The following ERC1 variants were observed in gnomAD, a reference collection of about 807,000 sequenced individuals.
ERC1 encodes the protein RAB6 interacting protein 2.
A neutral mutation model predicts 132.0 loss-of-function variants in ERC1; 56 were observed. The observed-to-expected ratio is 0.42, with a 90% CI of 0.34 to 0.53. The LOEUF (loss-of-function observed/expected upper bound fraction) is 0.53. ERC1 is among the 20% of genes least tolerant of loss of function. The pLI is 0.03. For synonymous variants in ERC1, 478 were observed against 476.1 expected (o/e 1.00, Z -0.05); for missense variants, 1,202 against 1,349.9 (o/e 0.89, Z 1.72).
chr12:1,137,964 TAA>T (rs1949431505), intron 7 of ERC1, among the ~76,000 whole-genome samples: 2 of 132,668 alleles, frequency 1.5e-5, no homozygotes, highest in African/African-American at 5.8e-5. Flanking sequence ...AAATTAGATA[TAA>T]TATTATCATA....
At chr12:1,441,012 T>C (rs2093135930) in intron 17 of ERC1, among the ~76,000 whole-genome samples, 1 of 152,094 alleles carries the variant, frequency 6.6e-6, no homozygotes, top group South Asian at 2.1e-4. Context: ...GCCATCATGT[T>C]TATTTAATCA....
intron 2 of ERC1, among the ~76,000 whole-genome samples, chr12:1,036,627 C>T (rs1015711642): frequency 8.5e-5 from 13 of 152,154 alleles, no homozygotes; most frequent in Admixed American, 1.3e-4. Context: ...CTGTCAACCT[C>T]GGCCTCCCAA....
chr12:1,055,123 G>A (rs1250232483), intron 2 of ERC1, among the ~76,000 whole-genome samples: 1 of 152,086 alleles, frequency 6.6e-6, no homozygotes, highest in Non-Finnish European at 1.5e-5. Flanking sequence ...TCATGTAAGA[G>A]AGATGTTTAA....
chr12:1,321,894 C>T (rs920210612), intron 15 of ERC1, among the ~76,000 whole-genome samples: 5 of 152,044 alleles, frequency 3.3e-5, no homozygotes, highest in Non-Finnish European at 5.9e-5. Context: ...TAAGAACAAA[C>T]GGGGATCAAT....
In ERC1 at chr12:1,139,391, A is replaced by G. The variant is rs563173699; in HGVS notation, c.1570-2229A>G. 1.2e-4 allele frequency among the ~76,000 whole-genome samples: 19 copies of G among 152,334 alleles called. 1 individual carries two copies. In the South Asian group the frequency reaches 3.9e-3, roughly 32 times the overall value. ...TTTTATTTAATAATGGCCCCAAAGC[A>G]TAAGAGTAATGATGCTGGCATATTG... On this transcript the variant is annotated intron_variant, in intron 7 of 18. Transcript: ENST00000360905.
At chr12:1,313,439 G>C (rs115187971) in intron 15 of ERC1, among the ~76,000 whole-genome samples, 9 of 152,036 alleles carry the variant, frequency 5.9e-5, no homozygotes. Flanking sequence ...ATATTAAACA[G>C]AGATTCAACT....
intron 2 of ERC1, 38 bp downstream of exon 2, chr12:1,028,610 C>T: frequency 6.7e-7 from 1 of 1,498,132 alleles, no homozygotes; most frequent in Non-Finnish European, 9.1e-7. Context: ...TGGCTGAATT[C>T]ATGTATATAA....
intron 8 of ERC1, among the ~76,000 whole-genome samples, chr12:1,159,316 G>A (rs1951680809): frequency 6.6e-6 from 1 of 152,150 alleles, no homozygotes; most frequent in Non-Finnish European, 1.5e-5. Context: ...GATCTCATAA[G>A]AAACATGCCA....
intron 15 of ERC1, among the ~76,000 whole-genome samples, chr12:1,359,457 G>C (rs1218739172): frequency 6.6e-6 from 1 of 152,134 alleles, no homozygotes; most frequent in Non-Finnish European, 1.5e-5. Context: ...CTGGAAGCTG[G>C]TAAGTCCAAA....
intron 2 of ERC1, among the ~76,000 whole-genome samples, chr12:1,068,806 A>G (rs1939783255): frequency 6.6e-6 from 1 of 152,158 alleles, no homozygotes; most frequent in Non-Finnish European, 1.5e-5. Context: ...TCGCCTTCTT[A>G]CACTGTGTTC....
At chr12:1,293,699 G>A (rs2154341651) in intron 15 of ERC1, among the ~76,000 whole-genome samples, 1 of 152,132 alleles carries the variant, frequency 6.6e-6, no homozygotes, top group African/African-American at 2.4e-5. Flanking sequence ...ATGACATGGT[G>A]TTCCAAATTA....
chr12:1,156,781 G>C (rs187695304), intron 8 of ERC1, among the ~76,000 whole-genome samples: 29 of 152,156 alleles, frequency 1.9e-4, no homozygotes, highest in Non-Finnish European at 2.6e-4. Context: ...ATTTAAAGTT[G>C]AGTTCTCATT....
At position 1,455,001 on chromosome 12, in the gene ERC1, G is replaced by A. The variant is rs528840361; in HGVS notation, c.3213+10251G>A. Among the ~76,000 whole-genome samples the A allele has an allele frequency of 2.0e-5, 3 of 152,310 alleles. No homozygotes were observed. The South Asian group carries it at 6.2e-4, about 32-fold the overall frequency. Reference sequence around the variant, plus strand: ...AAAGAAGCCTTCTTTAAAGGAAATAGATTGAGGTAATGTCAAGGTGGAACA... The same window carrying A: ...AAAGAAGCCTTCTTTAAAGGAAATAAATTGAGGTAATGTCAAGGTGGAACA... On this transcript the variant is annotated intron_variant, in intron 18 of 18. Transcript: ENST00000360905.
chr12:1,463,370 G>T (rs1461772613), intron 18 of ERC1, among the ~76,000 whole-genome samples: 1 of 152,170 alleles, frequency 6.6e-6, no homozygotes, highest in Non-Finnish European at 1.5e-5. Context: ...GGATGTAGCT[G>T]TTGGGGGACA....
chr12:1,061,989 C>CTTTTTTTTTT (rs896825718), intron 2 of ERC1, among the ~76,000 whole-genome samples: 3 of 117,382 alleles, frequency 2.6e-5, no homozygotes, highest in Admixed American at 8.6e-5. Context: ...TTCTTTTCTT[C>CTTTTTTTTTT]TTTTTTTTTT....
At chr12:1,440,597 CTT>C (rs1393877518) in intron 17 of ERC1, among the ~76,000 whole-genome samples, 5 of 111,650 alleles carry the variant, frequency 4.5e-5, no homozygotes, top group South Asian at 2.7e-4. Context: ...CTGCCTCAGC[CTT>C]TTGTGTGTGT....
rs1250285693 is a variant in ERC1, at chr12:1,145,023, C to CT, written c.1737+3247dup. Among the ~76,000 whole-genome samples the CT allele has an allele frequency of 1.2e-3, 179 of 145,294 alleles. 1 individual carries two copies. The highest frequency in any genetic ancestry group is 8.6e-3 in the South Asian group (39 of 4,560). The stretch of plus-strand genomic sequence containing the variant: ...TTCACTGATAATTAGTGATGCAGAG[C>CT]TTTTTTTTTTTGAGATGGAATCTTG... On this transcript the variant is annotated intron_variant, in intron 8 of 18. Transcript: ENST00000360905.
At chr12:1,111,700 C>T (rs1431825620) in intron 5 of ERC1, among the ~76,000 whole-genome samples, 1 of 151,520 alleles carries the variant, frequency 6.6e-6, no homozygotes, top group South Asian at 2.1e-4. Flanking sequence ...TTCACTGCAG[C>T]CTCCGTCTCC....
At chr12:1,076,609 G>A (rs1317952781) in intron 2 of ERC1, among the ~76,000 whole-genome samples, 1 of 152,068 alleles carries the variant, frequency 6.6e-6, no homozygotes, top group Non-Finnish European at 1.5e-5. Context: ...TGGTCAGGCT[G>A]ATCTTGAACT....
Sources: allele counts gnomAD v4.1 joint callset (sites outside exome capture counted in the v4.1 genomes callset), GRCh38; gene constraint gnomAD v4.1.1; transcripts MANE v1.5; gene names NCBI Gene and HGNC (gene_info 2026-07-23, HGNC 2026-07-21).